The following PTPRT variants were observed in gnomAD, a reference collection of about 807,000 sequenced individuals.
PTPRT encodes receptor-type tyrosine-protein phosphatase T.
PTPRT carries 56 observed loss-of-function variants against 176.8 expected under a neutral mutation model. The observed-to-expected ratio is 0.32, with a 90% CI of 0.26 to 0.40. The LOEUF (loss-of-function observed/expected upper bound fraction) is 0.40, where lower values mean the gene tolerates loss of function less well. Among genes scored for constraint, PTPRT ranks in the 10% least tolerant of loss-of-function variants. The pLI, the probability that PTPRT is intolerant of heterozygous loss-of-function variation, is 1.00. For synonymous variants in PTPRT, 783 were observed against 739.0 expected, an observed-to-expected ratio of 1.06 and a Z score of -0.96; for missense variants, 1,540 against 1,908.2, an observed-to-expected ratio of 0.81 and a Z score of 3.60.
chr20:42,304,006 C>T (rs1189328395), intron 12 of PTPRT, among the ~76,000 whole-genome samples: 2 of 152,110 alleles, frequency 1.3e-5, no homozygotes, highest in East Asian at 1.9e-4. Context: ...CAATAAATTG[C>T]ATTTATGGGT....
chr20:42,889,056 T>C (rs1162194056), intron 1 of PTPRT, among the ~76,000 whole-genome samples: 1 of 152,140 alleles, frequency 6.6e-6, no homozygotes, highest in Admixed American at 6.6e-5. Flanking sequence ...CACTTGCCCC[T>C]AGTCCGTTGG....
intron 9 of PTPRT, among the ~76,000 whole-genome samples, chr20:42,426,037 T>TC (rs2059160338): frequency 6.6e-6 from 1 of 152,114 alleles, no homozygotes; most frequent in African/African-American, 2.4e-5. Context: ...TAAAGAGCTG[T>TC]ATGGTTCGTG....
chr20:42,320,037 T>C (rs1201031464), intron 11 of PTPRT, among the ~76,000 whole-genome samples: 1 of 152,206 alleles, frequency 6.6e-6, no homozygotes, highest in Non-Finnish European at 1.5e-5. Flanking sequence ...ACCCTCTCTG[T>C]TTCTTCCAAT....
chr20:43,131,275 T>C (rs1600734559), intron 1 of PTPRT, among the ~76,000 whole-genome samples: 1 of 152,206 alleles, frequency 6.6e-6, no homozygotes, highest in African/African-American at 2.4e-5. Flanking sequence ...TGTCCTCGGA[T>C]CCTTCCAAGG....
At chr20:42,205,949 C>T (rs890347299) in intron 15 of PTPRT, among the ~76,000 whole-genome samples, 1 of 152,156 alleles carries the variant, frequency 6.6e-6, no homozygotes, top group Non-Finnish European at 1.5e-5. Context: ...TGTAAGGGAA[C>T]TATAGCATCT....
chr20:42,212,179 G>A (rs918677113), intron 15 of PTPRT, among the ~76,000 whole-genome samples: 3 of 146,188 alleles, frequency 2.1e-5, no homozygotes, highest in Admixed American at 2.0e-4. Flanking sequence ...GATAGCATTG[G>A]GAGATATACC....
At chr20:42,914,720 A>C (rs1270959655) in intron 1 of PTPRT, among the ~76,000 whole-genome samples, 1 of 152,188 alleles carries the variant, frequency 6.6e-6, no homozygotes, top group Non-Finnish European at 1.5e-5. Flanking sequence ...GCATGGGAGA[A>C]TTTGGTCGAT....
At chr20:42,813,444 TTTCC>T (rs1209024638) in intron 2 of PTPRT, among the ~76,000 whole-genome samples, 1 of 151,734 alleles carries the variant, frequency 6.6e-6, no homozygotes, top group African/African-American at 2.4e-5. Context: ...CTTTTCCTTC[TTTCC>T]TTCCTTGTTT....
chr20:42,038,441 G>A, the PTPRT span, among the ~76,000 whole-genome samples: 2 of 152,196 alleles, frequency 1.3e-5, no homozygotes, highest in Admixed American at 6.5e-5. Context: ...GGATGTGGGA[G>A]GCAATTGTGG....
intron 1 of PTPRT, among the ~76,000 whole-genome samples, chr20:43,156,762 C>T (rs970783099): frequency 6.6e-6 from 1 of 152,102 alleles, no homozygotes; most frequent in African/African-American, 2.4e-5. Context: ...ATTGATCATC[C>T]AATGGAAAAA....
chr20:43,137,239 A>G (rs1362916419), intron 1 of PTPRT, among the ~76,000 whole-genome samples: 1 of 152,198 alleles, frequency 6.6e-6, no homozygotes, highest in African/African-American at 2.4e-5. Flanking sequence ...AGGGACAATG[A>G]CAGAGGTCTC....
rs541596676 is a variant in PTPRT, at chr20:42,625,791, T to C, written c.1153+52075A>G. Among the ~76,000 whole-genome samples the C allele has an allele frequency of 9.2e-5, 14 of 152,196 alleles. 1 individual carries two copies. Among genetic ancestry groups the C allele is most frequent in the South Asian group, 6.2e-4 (3 of 4,814 alleles). On this transcript the variant is annotated intron_variant, in intron 7 of 30. Transcript: ENST00000373187. ...TCAGTGATTGATAATCTGATAATGG[T>C]TGAACACTCACAAGGAAGGGCCATA...
At chr20:42,452,286 G>C (rs2070844950) in intron 8 of PTPRT, among the ~76,000 whole-genome samples, 1 of 150,214 alleles carries the variant, frequency 6.7e-6, no homozygotes, top group South Asian at 2.1e-4. Context: ...AAAAAATTCA[G>C]AATAGAGGTA....
At chr20:42,339,241 T>C (rs1167925353) in intron 11 of PTPRT, among the ~76,000 whole-genome samples, 1 of 152,212 alleles carries the variant, frequency 6.6e-6, no homozygotes, top group Admixed American at 6.5e-5. Context: ...GTGACCGTAT[T>C]CAGATATGCT....
At chr20:42,486,987 A>C (rs2071474629) in intron 7 of PTPRT, among the ~76,000 whole-genome samples, 1 of 152,134 alleles carries the variant, frequency 6.6e-6, no homozygotes, top group South Asian at 2.1e-4. Context: ...ATATTTACTG[A>C]AAGATAACTC....
intron 2 of PTPRT, among the ~76,000 whole-genome samples, chr20:42,840,890 G>A (rs756681106): frequency 6.6e-6 from 1 of 152,110 alleles, no homozygotes; most frequent in Non-Finnish European, 1.5e-5. Flanking sequence ...GATCCCTAGT[G>A]GCCTTCCTGC....
At chr20:42,628,521 C>A (rs1252980497) in intron 7 of PTPRT, among the ~76,000 whole-genome samples, 2 of 152,048 alleles carry the variant, frequency 1.3e-5, no homozygotes, top group Non-Finnish European at 2.9e-5. Flanking sequence ...TACCTCTCTT[C>A]CTCTCTCCAT....
At chr20:43,034,361 T>C (rs907281671) in intron 1 of PTPRT, among the ~76,000 whole-genome samples, 1 of 152,064 alleles carries the variant, frequency 6.6e-6, no homozygotes, top group Non-Finnish European at 1.5e-5. Flanking sequence ...AGCTGAGCCC[T>C]ATTCACGATT....
intron 6 of PTPRT, chr20:42,688,076 C>G (rs2075729026): frequency 6.6e-6 from 1 of 152,156 alleles, no homozygotes; most frequent in Non-Finnish European, 1.5e-5. Flanking sequence ...AGCTGGGACC[C>G]CACTAACAAC....
Sources: gnomAD v4.1 joint callset for allele counts (sites outside exome capture counted in the v4.1 genomes callset) on GRCh38, gnomAD v4.1.1 for gene constraint, MANE v1.5 for transcripts, NCBI Gene and HGNC (gene_info 2026-07-23, HGNC 2026-07-21) for gene names.